The following ANKFN1 variants were observed in gnomAD, a reference collection of about 807,000 sequenced individuals.
ANKFN1 encodes ankyrin repeat and fibronectin type III domain containing 1, also known as ankyrin repeat and fibronectin type-III domain-containing protein 1.
ANKFN1 carries 74 observed loss-of-function variants against 108.7 expected under a neutral mutation model. The ratio of observed to expected loss-of-function variants is 0.68; its 90% CI spans 0.56 to 0.83. The LOEUF (loss-of-function observed/expected upper bound fraction) is 0.83. ANKFN1 is among the 40% of genes least tolerant of loss of function. ANKFN1 has a pLI of 0.00. For synonymous variants in ANKFN1, 547 were observed against 516.2 expected (o/e 1.06, Z -0.81); for missense variants, 1,505 against 1,382.3 (o/e 1.09, Z -1.41).
intron 4 of ANKFN1, among the ~76,000 whole-genome samples, chr17:56,079,278 C>T (rs185028938): frequency 2.2e-4 from 34 of 152,260 alleles, no homozygotes; most frequent in African/African-American, 7.7e-4. Context: ...GAAAGCACTC[C>T]CAATGCACTA....
chr17:56,259,414 A>C (rs988830651), intron 3 of ANKFN1, among the ~76,000 whole-genome samples: 2 of 152,210 alleles, frequency 1.3e-5, no homozygotes, highest in African/African-American at 4.8e-5. Context: ...GTATATAGGC[A>C]TTTGGTTTTT....
intron 1 of ANKFN1, among the ~76,000 whole-genome samples, chr17:56,168,278 G>A (rs1910349133): frequency 6.7e-6 from 1 of 149,498 alleles, no homozygotes; most frequent in Admixed American, 6.6e-5. Context: ...AAAAAAGGCT[G>A]ATGAGGATAA....
chr17:56,239,867 G>A (rs748298008), intron 3 of ANKFN1, among the ~76,000 whole-genome samples: 1 of 152,118 alleles, frequency 6.6e-6, no homozygotes, highest in Non-Finnish European at 1.5e-5. Context: ...GTTGTGGGAA[G>A]GGATAGGGTC....
intron 3 of ANKFN1, among the ~76,000 whole-genome samples, chr17:56,232,432 G>C (rs1420889994): frequency 2.6e-5 from 4 of 152,038 alleles, no homozygotes; most frequent in Admixed American, 6.6e-5. Flanking sequence ...AAAACCCCTA[G>C]ATACAAAAGC....
chr17:56,296,585 G>A (rs2044516036), intron 3 of ANKFN1, among the ~76,000 whole-genome samples: 1 of 152,202 alleles, frequency 6.6e-6, no homozygotes, highest in South Asian at 2.1e-4. Context: ...TTCGGAGGCT[G>A]AGGCAGGAGA....
In ANKFN1 at chr17:56,188,543, A is replaced by ATGTGTGTGTGTGTGTGTG. The variant is rs1466873294; in HGVS notation, c.-70-24054_-70-24053insGTGTGTGTGTGTGTGTGT. On this transcript the variant is annotated intron_variant, in intron 1 of 20. Coordinates refer to ENST00000682825, the MANE Select transcript of ANKFN1 (RefSeq NM_001370326.1). ...ATATATAAGAAATAAAATAAGATGT[A>ATGTGTGTGTGTGTGTGTG]TATGTGTGTGTGTGTGTGTATGTGT... is the stretch of plus-strand genomic sequence containing the variant. Among the ~76,000 whole-genome samples the ATGTGTGTGTGTGTGTGTG allele has an allele frequency of 9.8e-4, 73 of 74,128 alleles. 9 individuals are homozygous for ATGTGTGTGTGTGTGTGTG. The highest frequency in any genetic ancestry group is 5.9e-3 in the African/African-American group (65 of 11,058). The allele number at this position is 74,128 out of a possible 152,430, so 48.6% of individuals were successfully genotyped here.
chr17:56,254,014 T>C (rs2043297244), intron 3 of ANKFN1: 1 of 152,352 alleles, frequency 6.6e-6, no homozygotes, highest in African/African-American at 2.4e-5. Context: ...GTTATAAAGG[T>C]CATATATTCT....
At chr17:56,229,899 G>C (rs540291913) in intron 3 of ANKFN1, among the ~76,000 whole-genome samples, 1 of 152,068 alleles carries the variant, frequency 6.6e-6, no homozygotes, top group East Asian at 1.9e-4. Context: ...GAGCAACCGG[G>C]GAAAGGTTGG....
At chr17:56,170,805 T>TACACACACACACACACACACAC (rs1383558821) in intron 1 of ANKFN1, among the ~76,000 whole-genome samples, 1,385 of 71,700 alleles carry the variant, frequency 0.019, 16 homozygotes, top group Non-Finnish European at 0.029. Context: ...TATATATATA[T>TACACACACACACACACACACAC]ATACACACAC....
chr17:56,408,358 A>C (rs1239881165), intron 8 of ANKFN1, among the ~76,000 whole-genome samples: 5 of 152,090 alleles, frequency 3.3e-5, no homozygotes, highest in Non-Finnish European at 7.4e-5. Context: ...TGTTAACCAT[A>C]TTTTCTCCAT....
intron 4 of ANKFN1, among the ~76,000 whole-genome samples, chr17:56,075,381 C>A (rs977934216): frequency 5.3e-5 from 8 of 152,064 alleles, no homozygotes; most frequent in African/African-American, 1.9e-4. Flanking sequence ...TCAAAAGTTG[C>A]AGTTTTCTTG....
At chr17:56,062,559 C>CTTTTTTTTTTTTTTTTTTTTTTT (rs3085080) in intron 4 of ANKFN1, among the ~76,000 whole-genome samples, 4 of 134,522 alleles carry the variant, frequency 3.0e-5, no homozygotes, top group African/African-American at 1.2e-4. Context: ...GTAATCTCTG[C>CTTTTTTTTTTTTTTTTTTTTTTT]TTTTTTTTTT....
intron 4 of ANKFN1, among the ~76,000 whole-genome samples, chr17:56,130,700 G>T (rs949144818): frequency 1.3e-5 from 2 of 152,110 alleles, no homozygotes; most frequent in African/African-American, 4.8e-5. Flanking sequence ...TTGATTAGAT[G>T]GGGGGAGGAC....
chr17:56,405,008 T>A (rs1395198634), intron 8 of ANKFN1, among the ~76,000 whole-genome samples: 1 of 152,204 alleles, frequency 6.6e-6, no homozygotes, highest in Non-Finnish European at 1.5e-5. Context: ...CCTGTGGTGT[T>A]AACCACCTAT....
intron 1 of ANKFN1, chr17:56,206,666 C>T (rs996913625): frequency 1.3e-5 from 2 of 152,120 alleles, no homozygotes; most frequent in African/African-American, 4.8e-5. Context: ...CATTCGTGAC[C>T]TGGGAGCATA....
intron 1 of ANKFN1, among the ~76,000 whole-genome samples, chr17:56,201,777 C>A (rs886689513): frequency 6.6e-6 from 1 of 152,128 alleles, no homozygotes; most frequent in Non-Finnish European, 1.5e-5. Flanking sequence ...AAAGACTACT[C>A]TAGCGTTTTT....
At chr17:56,276,690 G>T (rs1266274350) in intron 3 of ANKFN1, among the ~76,000 whole-genome samples, 1 of 152,138 alleles carries the variant, frequency 6.6e-6, no homozygotes, top group African/African-American at 2.4e-5. Context: ...CCCACTTTCT[G>T]ATTGGGTTGT....
intron 3 of ANKFN1, among the ~76,000 whole-genome samples, chr17:56,234,805 A>G (rs568695362): frequency 2.6e-5 from 4 of 152,268 alleles, no homozygotes; most frequent in South Asian, 2.1e-4. Flanking sequence ...AGGTGTTGCA[A>G]TGAACATTCA....
At chr17:56,191,703 C>A (rs2143695900) in intron 1 of ANKFN1, among the ~76,000 whole-genome samples, 1 of 143,966 alleles carries the variant, frequency 6.9e-6, no homozygotes, top group Non-Finnish European at 1.5e-5. Context: ...TGGAGTTGCT[C>A]TTCTCGAGGA....
Sources: gnomAD v4.1 joint callset for allele counts (sites outside exome capture counted in the v4.1 genomes callset) on GRCh38, gnomAD v4.1.1 for gene constraint, MANE v1.5 for transcripts, NCBI Gene and HGNC (gene_info 2026-07-23, HGNC 2026-07-21) for gene names.